Variants in HTR1F observed in about 807,000 individuals in gnomAD.
HTR1F encodes 5-hydroxytryptamine (serotonin) receptor 1F, G protein-coupled.
A neutral mutation model predicts 24.0 loss-of-function variants in HTR1F; 17 were observed. That is an observed-to-expected ratio of 0.71 (90% CI 0.48 to 1.06). The LOEUF (loss-of-function observed/expected upper bound fraction) is 1.06. Ranked by LOEUF, HTR1F falls within the 50% of genes least tolerant of loss-of-function variation. The pLI is 0.00. For missense variants in HTR1F, 391 were observed against 427.8 expected (o/e 0.91, Z 0.76); for synonymous variants, 186 against 156.8 (o/e 1.19, Z -1.39).
At chr3:87,810,654 C>A (rs1704144782) in intron 1 of HTR1F, among the ~76,000 whole-genome samples, 1 of 152,100 alleles carries the variant, frequency 6.6e-6, no homozygotes, top group South Asian at 2.1e-4. Flanking sequence ...AATGGAAATT[C>A]CTGAAACTTT....
At chr3:87,943,437 A>G (rs544753679) in intron 2 of HTR1F, among the ~76,000 whole-genome samples, 3 of 152,206 alleles carry the variant, frequency 2.0e-5, no homozygotes, top group Admixed American at 2.0e-4. Flanking sequence ...AAAAAGGTAC[A>G]TGCACTCTGG....
At chr3:87,873,784 A>C (rs376679383) in intron 2 of HTR1F, among the ~76,000 whole-genome samples, 1 of 152,204 alleles carries the variant, frequency 6.6e-6, no homozygotes, top group East Asian at 1.9e-4. Flanking sequence ...TACAAAAATC[A>C]ATCAATGTGA....
chr3:87,863,653 A>G (rs1705364439), intron 2 of HTR1F, among the ~76,000 whole-genome samples: 1 of 152,156 alleles, frequency 6.6e-6, no homozygotes, highest in African/African-American at 2.4e-5. Flanking sequence ...TTTCAAGGAA[A>G]TCAATTTTTC....
chr3:87,816,360 T>C (rs1379252236), intron 1 of HTR1F, among the ~76,000 whole-genome samples: 3 of 152,102 alleles, frequency 2.0e-5, no homozygotes, highest in Admixed American at 2.0e-4. Context: ...TAGGATTTGT[T>C]AGTTTGTTTG....
At chr3:87,840,913 T>A (rs1704788688) in intron 2 of HTR1F, among the ~76,000 whole-genome samples, 1 of 151,782 alleles carries the variant, frequency 6.6e-6, no homozygotes, top group Admixed American at 6.6e-5. Context: ...AGAAAGACAG[T>A]TACCAGTGGC....
chr3:87,933,169 ACT>A (rs1453981034), intron 2 of HTR1F, among the ~76,000 whole-genome samples: 4 of 151,978 alleles, frequency 2.6e-5, no homozygotes, highest in African/African-American at 7.3e-5. Flanking sequence ...CATGCTAAAA[ACT>A]CTCAATAAAT....
At chr3:87,905,593 T>C (rs1271613707) in intron 2 of HTR1F, among the ~76,000 whole-genome samples, 1 of 152,118 alleles carries the variant, frequency 6.6e-6, no homozygotes, top group Non-Finnish European at 1.5e-5. Flanking sequence ...ATACTGACAG[T>C]CATTGAGACA....
At chr3:87,808,106 T>G (rs921246771) in intron 1 of HTR1F, among the ~76,000 whole-genome samples, 1 of 151,996 alleles carries the variant, frequency 6.6e-6, no homozygotes, top group Admixed American at 6.6e-5. Context: ...TGTCTGGTTT[T>G]GGTATCAGGA....
intron 1 of HTR1F, among the ~76,000 whole-genome samples, chr3:87,799,301 A>G (rs1703957053): frequency 6.6e-6 from 1 of 152,192 alleles, no homozygotes; most frequent in Non-Finnish European, 1.5e-5. Context: ...GTCGTTATAC[A>G]TACTGCCTTC....
intron 2 of HTR1F, among the ~76,000 whole-genome samples, chr3:87,850,443 C>T (rs1575944216): frequency 6.6e-6 from 1 of 151,740 alleles, no homozygotes; most frequent in East Asian, 1.9e-4. Flanking sequence ...TAACATCACA[C>T]ACCGGGGCCT....
At chr3:87,859,573 A>T (rs1705273202) in intron 2 of HTR1F, among the ~76,000 whole-genome samples, 1 of 152,216 alleles carries the variant, frequency 6.6e-6, no homozygotes, top group African/African-American at 2.4e-5. Context: ...AGCCCGGCAT[A>T]CTGCTTGTGA....
intron 1 of HTR1F, among the ~76,000 whole-genome samples, chr3:87,810,059 T>C (rs772102675): frequency 5.6e-4 from 86 of 152,282 alleles, no homozygotes; most frequent in Admixed American, 1.6e-3. Flanking sequence ...TTCAGTGTTT[T>C]ATTTTTTCTT....
intron 2 of HTR1F, among the ~76,000 whole-genome samples, chr3:87,910,026 C>A (rs1326103102): frequency 6.6e-6 from 1 of 152,018 alleles, no homozygotes; most frequent in East Asian, 1.9e-4. Context: ...AAAATTCTAT[C>A]CTATGTTGTC....
chr3:87,831,617 CT>C (rs1005266775), intron 2 of HTR1F, among the ~76,000 whole-genome samples: 1 of 152,090 alleles, frequency 6.6e-6, no homozygotes, highest in Admixed American at 6.5e-5. Flanking sequence ...CTGCCTCAGC[CT>C]CCCAAAGTGC....
At chr3:87,855,831 T>G (rs771226626) in intron 2 of HTR1F, among the ~76,000 whole-genome samples, 13 of 152,096 alleles carry the variant, frequency 8.5e-5, no homozygotes, top group Non-Finnish European at 1.6e-4. Flanking sequence ...GTATCCACAC[T>G]GTCCACACTT....
chr3:87,966,714 G>C (rs1316582058), intron 2 of HTR1F, among the ~76,000 whole-genome samples: 1 of 152,058 alleles, frequency 6.6e-6, no homozygotes, highest in Admixed American at 6.5e-5. Context: ...AGACTCATAA[G>C]ATAAAAGATA....
chr3:87,849,547 G>A (rs1705031966), intron 2 of HTR1F, among the ~76,000 whole-genome samples: 1 of 151,832 alleles, frequency 6.6e-6, no homozygotes, highest in African/African-American at 2.4e-5. Flanking sequence ...CATAGGCATG[G>A]GCAAGGACTT....
chr3:87,924,830 A>G (rs1419354352), intron 2 of HTR1F, among the ~76,000 whole-genome samples: 1 of 152,080 alleles, frequency 6.6e-6, no homozygotes, highest in Non-Finnish European at 1.5e-5. Flanking sequence ...CAATTTGACT[A>G]CAGTGTGCCT....
chr3:87,928,504 TTC>T (rs1183005760), intron 2 of HTR1F, among the ~76,000 whole-genome samples: 3 of 152,208 alleles, frequency 2.0e-5, no homozygotes, highest in Non-Finnish European at 4.4e-5. Context: ...ATATATTATT[TTC>T]TGTGTCCCTA....
Sources: gnomAD v4.1 joint callset for allele counts (sites outside exome capture counted in the v4.1 genomes callset) on GRCh38, gnomAD v4.1.1 for gene constraint, MANE v1.5 for transcripts, NCBI Gene and HGNC (gene_info 2026-07-23, HGNC 2026-07-21) for gene names.